Variants in UBE3C observed in about 807,000 individuals in gnomAD.
UBE3C encodes the protein ubiquitin protein ligase E3C, also known as ubiquitin-protein ligase E3C.
Under a neutral mutation model 129.4 loss-of-function variants are expected in UBE3C, and 42 were observed. The observed-to-expected ratio is 0.32, with a 90% CI of 0.25 to 0.42. UBE3C has a LOEUF of 0.42. UBE3C is among the 10% of genes least tolerant of loss of function. UBE3C has a pLI of 1.00. For synonymous variants in UBE3C, 510 were observed against 492.4 expected (o/e 1.04, Z -0.47); for missense variants, 1,049 against 1,319.1 (o/e 0.80, Z 3.17).
At chr7:157,156,012 A>G (rs1409593310) in intron 1 of UBE3C, among the ~76,000 whole-genome samples, 1 of 152,224 alleles carries the variant, frequency 6.6e-6, no homozygotes, top group Non-Finnish European at 1.5e-5. Context: ...TATGAGTACA[A>G]TAAATTGAAA....
chr7:157,175,087 T>G, intron 5 of UBE3C, 53 bp downstream of exon 5: 1 of 1,246,046 alleles, frequency 8.0e-7, no homozygotes, highest in African/African-American at 1.6e-5. Context: ...TCACCTTGTC[T>G]AGGGGAACAC....
chr7:157,187,163 T>TA, intron 10 of UBE3C, 142 bp downstream of exon 10: 1 of 1,079,710 alleles, frequency 9.3e-7, no homozygotes, highest in Non-Finnish European at 1.3e-6. Context: ...AAGCGTTTCA[T>TA]AAAAAATAAT....
At chr7:157,203,195 A>G (rs1809338454) in intron 11 of UBE3C, among the ~76,000 whole-genome samples, 1 of 152,066 alleles carries the variant, frequency 6.6e-6, no homozygotes, top group Non-Finnish European at 1.5e-5. Flanking sequence ...CAAATTTTTC[A>G]TTTTTTTAAT....
intron 10 of UBE3C, among the ~76,000 whole-genome samples, chr7:157,188,582 T>C (rs1465596897): frequency 6.6e-6 from 1 of 152,204 alleles, no homozygotes; most frequent in Non-Finnish European, 1.5e-5. Flanking sequence ...TTTCAATGCA[T>C]CACTGCCCTG....
intron 3 of UBE3C, among the ~76,000 whole-genome samples, 187 bp from the exon 4 acceptor site, chr7:157,170,117 G>GT (rs146750630): frequency 0.11 from 14,413 of 134,640 alleles, 2,045 homozygotes; most frequent in African/African-American, 0.33. Context: ...ACCATGCCTG[G>GT]TTTTTTTTTT....
intron 18 of UBE3C, chr7:157,231,793 G>T: frequency 6.3e-6 from 1 of 159,898 alleles, no homozygotes; most frequent in Admixed American, 6.0e-5. Flanking sequence ...ATGGATTTCA[G>T]TTTTTATTAA....
intron 22 of UBE3C, among the ~76,000 whole-genome samples, chr7:157,257,732 A>G: frequency 1.3e-5 from 1 of 76,880 alleles, no homozygotes; most frequent in African/African-American, 6.0e-5. Context: ...ACAGAGTGAG[A>G]CCCTGTCTCC....
intron 1 of UBE3C, 128 bp downstream of exon 1, chr7:157,139,466 T>C (rs1807366730): frequency 2.6e-6 from 2 of 782,212 alleles, no homozygotes; most frequent in Non-Finnish European, 3.5e-6. Context: ...GGGGCCTCCC[T>C]GGCGGGGACT....
At chr7:157,179,895 G>A (rs185576842) in intron 6 of UBE3C, among the ~76,000 whole-genome samples, 172 of 152,228 alleles carry the variant, frequency 1.1e-3, no homozygotes, top group African/African-American at 3.7e-3. Context: ...ACAGTATTCC[G>A]AGTTAATTAA....
At chr7:157,197,838 G>A (rs1586681451) in intron 10 of UBE3C, 3 of 1,611,872 alleles carry the variant, frequency 1.9e-6, no homozygotes, top group East Asian at 2.2e-5. Context: ...TGTTGGCACT[G>A]AATCATCAAT....
At chr7:157,183,766 T>C (rs1808732168) in intron 8 of UBE3C, 112 bp from the exon 9 acceptor site, 1 of 1,322,950 alleles carries the variant, frequency 7.6e-7, no homozygotes, top group East Asian at 2.3e-5. Flanking sequence ...ATTTTAAAAA[T>C]AAGATCTGGT....
At position 157,220,748 on chromosome 7, in the gene UBE3C, G is replaced by C. The variant is rs1177539185; in HGVS notation, c.1974G>C (p.Arg658Ser). The change falls in exon 15 of 23, where the codon AGG (arginine) becomes AGC (serine). Residue 658 changes from arginine (R) to serine (S), a missense_variant. This residue lies in a region of UBE3C where 314 missense variants were observed against 416.9 expected (regional missense o/e 0.75). Transcript: ENST00000348165. ...TGTGGAGGTTCCGGCGGATGGGGAG[G>C]ATAGGCCCGCTGCAGTCCACCCTGG... ...RHVWRFRRMG[R>S]IGPLQSTLDV... 1.2e-6 allele frequency: 2 copies of C among 1,614,166 alleles called. No individual in the cohort carries two copies. Among genetic ancestry groups the C allele is most frequent in the Non-Finnish European group, 1.7e-6 (2 of 1,179,998 alleles).
rs1199125969 is a variant in UBE3C, at chr7:157,223,371, T to C, written c.2100+20T>C. 6.3e-7 allele frequency: 1 copy of C among 1,595,732 alleles called. No individual in the cohort carries two copies. The highest frequency in any genetic ancestry group is 1.3e-5 in the African/African-American group (1 of 74,162). On this transcript the variant is annotated intron_variant, in intron 16 of 22. Transcript: ENST00000348165. ...GTAAAGGTATGCAATTTGGCTTCTT[T>C]ATTGTCACTACGTATCATATTAGTG...
chr7:157,203,387 T>C (rs528255228), intron 11 of UBE3C, among the ~76,000 whole-genome samples: 1 of 152,314 alleles, frequency 6.6e-6, no homozygotes, highest in Non-Finnish European at 1.5e-5. Flanking sequence ...ATACAAGATT[T>C]TAAGTATGTT....
intron 13 of UBE3C, among the ~76,000 whole-genome samples, chr7:157,209,379 A>G (rs1809527826): frequency 6.6e-6 from 1 of 152,238 alleles, no homozygotes; most frequent in Admixed American, 6.5e-5. Flanking sequence ...ATATGTTTGC[A>G]CAATTTATTT....
rs753349610 is a variant in UBE3C at position 157,183,829 on chromosome 7, A to T, written c.992-49A>T. The T allele has an allele frequency of 1.9e-6, 3 of 1,566,560 alleles. No homozygotes were observed. In the East Asian group the frequency reaches 6.8e-5, roughly 36 times the overall value. On this transcript the variant is annotated intron_variant, in intron 8 of 22. Coordinates refer to ENST00000348165, the MANE Select transcript of UBE3C (RefSeq NM_014671.3). ...AAATGGCGTCTTCGTTTTCCATTTT[A>T]AAAAATAATGTTTAACTAAAATACG...
At chr7:157,261,136 C>T (rs1366437742) in intron 22 of UBE3C, among the ~76,000 whole-genome samples, 3 of 151,550 alleles carry the variant, frequency 2.0e-5, no homozygotes, top group Admixed American at 6.6e-5. Context: ...AACCCCGCCT[C>T]TACTAAATAC....
At chr7:157,171,542 C>G (rs1335939577) in intron 4 of UBE3C, among the ~76,000 whole-genome samples, 1 of 151,328 alleles carries the variant, frequency 6.6e-6, no homozygotes, top group South Asian at 2.1e-4. Flanking sequence ...GTGGAAAATA[C>G]AACCAGATGC....
intron 10 of UBE3C, chr7:157,197,673 T>C: frequency 6.2e-7 from 1 of 1,610,124 alleles, no homozygotes; most frequent in South Asian, 1.1e-5. Flanking sequence ...ATCTGTTAGC[T>C]CTTTATTCGG....
Sources: gnomAD v4.1 joint callset for allele counts (sites outside exome capture counted in the v4.1 genomes callset) on GRCh38, gnomAD v4.1.1 for gene constraint, gnomAD v4.1.1 regional missense constraint, MANE v1.5 for transcripts, NCBI Gene and HGNC (gene_info 2026-07-23, HGNC 2026-07-21) for gene names.